Variants in SERINC5 observed in about 807,000 individuals in gnomAD.
The protein encoded by SERINC5 is serine incorporator 5, also known as chromosome 5 open reading frame 12.
Under a neutral mutation model 63.1 loss-of-function variants are expected in SERINC5, and 41 were observed. The ratio of observed to expected loss-of-function variants is 0.65; its 90% CI spans 0.51 to 0.84. SERINC5 has a LOEUF of 0.84. SERINC5 is among the 40% of genes least tolerant of loss of function. SERINC5 has a pLI of 0.00. For synonymous variants in SERINC5, 222 were observed against 215.2 expected (o/e 1.03, Z -0.28); for missense variants, 523 against 573.0 (o/e 0.91, Z 0.89).
intron 5 of SERINC5, among the ~76,000 whole-genome samples, chr5:80,174,159 A>G (rs755907890): frequency 4.6e-5 from 7 of 151,642 alleles, no homozygotes; most frequent in Non-Finnish European, 1.0e-4. Flanking sequence ...CCAGGAATTC[A>G]AGATCAGCCT....
At chr5:80,133,705 T>C (rs1745040571) in intron 11 of SERINC5, among the ~76,000 whole-genome samples, 3 of 152,216 alleles carry the variant, frequency 2.0e-5, no homozygotes, top group African/African-American at 7.2e-5. Flanking sequence ...CAGACTCAAT[T>C]TAAGACAGGG....
At chr5:80,199,585 G>A (rs1263646516) in intron 2 of SERINC5, among the ~76,000 whole-genome samples, 1 of 152,144 alleles carries the variant, frequency 6.6e-6, no homozygotes, top group South Asian at 2.1e-4. Flanking sequence ...GCTTCATGGG[G>A]CAGGTTACTT....
intron 1 of SERINC5, among the ~76,000 whole-genome samples, chr5:80,218,165 T>A (rs1050302853): frequency 2.6e-5 from 4 of 152,228 alleles, no homozygotes; most frequent in Admixed American, 2.6e-4. Flanking sequence ...TCTCAGAGTC[T>A]AATACATTTT....
intron 1 of SERINC5, among the ~76,000 whole-genome samples, chr5:80,227,630 T>C (rs1751228998): frequency 6.8e-6 from 1 of 146,288 alleles, no homozygotes; most frequent in Non-Finnish European, 1.5e-5. Flanking sequence ...GAATCGCATG[T>C]GTAGATGTTT....
chr5:80,188,325 T>A (rs181444138), intron 2 of SERINC5, among the ~76,000 whole-genome samples: 1 of 151,838 alleles, frequency 6.6e-6, no homozygotes, highest in East Asian at 1.9e-4. Context: ...AAAGGATTAT[T>A]CTCAATTTTA....
At chr5:80,212,670 G>GGGGGGGGGGA (rs1561430937) in intron 1 of SERINC5, among the ~76,000 whole-genome samples, 2 of 140,874 alleles carry the variant, frequency 1.4e-5, no homozygotes, top group African/African-American at 5.2e-5. Flanking sequence ...TGGGGTGGGG[G>GGGGGGGGGGA]GGGGGTGTTG....
chr5:80,177,846 G>A (rs762697665), intron 3 of SERINC5, 40 bp downstream of exon 3: 9 of 1,508,466 alleles, frequency 6.0e-6, no homozygotes, highest in Middle Eastern at 3.5e-4. Context: ...CTGAACATAA[G>A]AAAGGAGAAA....
chr5:80,115,755 C>A (rs1426697577), intron 11 of SERINC5, among the ~76,000 whole-genome samples: 1 of 151,838 alleles, frequency 6.6e-6, no homozygotes, highest in East Asian at 1.9e-4. Context: ...AATTTCAATC[C>A]CAGTTGCATC....
chr5:80,140,228 G>T lies in SERINC5; in HGVS notation c.*3435C>A. 2.4e-6 allele frequency: 2 copies of T among 830,540 alleles called. No individual in the cohort carries two copies. The highest frequency in any genetic ancestry group is 2.9e-6 in the Non-Finnish European group (2 of 699,172). 51.4% of individuals were successfully genotyped at this position (830,540 alleles called of 1,614,324 possible). On this transcript the variant is annotated 3_prime_UTR_variant, in exon 12 of 12. Coordinates refer to ENST00000507668, the MANE Select transcript of SERINC5 (RefSeq NM_001174072.3). ...CAGCTACTTGGGAGGTGGTCCTTGA[G>T]CCCAGGAGGTCAAGCCTGCCATGAG...
intron 1 of SERINC5, among the ~76,000 whole-genome samples, chr5:80,222,553 A>AGTATGTGAGTGTGTGT (rs550308144): frequency 4.2e-4 from 58 of 139,010 alleles, no homozygotes; most frequent in Middle Eastern, 3.8e-3. Context: ...TTTGTGGGTG[A>AGTATGTGAGTGTGTGT]GTGTGTGAGT....
At position 80,141,304 on chromosome 5, in the gene SERINC5, T is replaced by A; in HGVS notation, c.*2359A>T. 6.1e-6 allele frequency: 6 copies of A among 985,446 alleles called. No individual in the cohort carries two copies. The highest frequency in any genetic ancestry group is 7.2e-6 in the Non-Finnish European group (6 of 829,934). The allele number at this position is 985,446 out of a possible 1,614,324, so 61.0% of individuals were successfully genotyped here. A position where few individuals can be genotyped will look rare whatever the true frequency, so the allele number is the denominator to read the frequency against. Reference sequence around the variant, plus strand: ...ACTCACGCATCTGGAAAACGTTGTGTGGCTGGGCTGGCTCCAGAAGGAAGC... The same window carrying A: ...ACTCACGCATCTGGAAAACGTTGTGAGGCTGGGCTGGCTCCAGAAGGAAGC... On this transcript the variant is annotated 3_prime_UTR_variant, in exon 12 of 12. Coordinates refer to ENST00000507668, the MANE Select transcript of SERINC5 (RefSeq NM_001174072.3).
chr5:80,155,108 T>C (rs186605481), intron 8 of SERINC5, among the ~76,000 whole-genome samples: 47 of 152,312 alleles, frequency 3.1e-4, no homozygotes, highest in Non-Finnish European at 6.2e-4. Flanking sequence ...TGATCAACTC[T>C]GGGATCCTGT....
At chr5:80,238,816 C>T (rs1192688562) in intron 1 of SERINC5, among the ~76,000 whole-genome samples, 2 of 150,586 alleles carry the variant, frequency 1.3e-5, no homozygotes, top group East Asian at 1.9e-4. Context: ...AAACCCAATC[C>T]GAGATTCAAA....
intron 11 of SERINC5, among the ~76,000 whole-genome samples, chr5:80,130,722 G>A (rs552563722): frequency 5.3e-5 from 8 of 152,242 alleles, no homozygotes; most frequent in African/African-American, 1.4e-4. Context: ...AAGGCACTAC[G>A]ATGTCTTGTT....
At position 80,140,054 on chromosome 5, in the gene SERINC5, G is replaced by T. The variant is rs1056577607; in HGVS notation, c.*3609C>A. Reference sequence around the variant, plus strand: ...CTTAAAAAGGCAGAGGGTAGGCTGCGTGCAGTGGTTTACGCCTATAATCCC... The same window carrying T: ...CTTAAAAAGGCAGAGGGTAGGCTGCTTGCAGTGGTTTACGCCTATAATCCC... On this transcript the variant is annotated 3_prime_UTR_variant, in exon 12 of 12. Coordinates refer to ENST00000507668, the MANE Select transcript of SERINC5 (RefSeq NM_001174072.3). 4.1e-6 allele frequency: 4 copies of T among 984,914 alleles called. No homozygotes were observed. Among genetic ancestry groups the T allele is most frequent in the Non-Finnish European group, 4.8e-6 (4 of 829,632 alleles). The allele number at this position is 984,914 out of a possible 1,614,324, so 61.0% of individuals were successfully genotyped here. A position where few individuals can be genotyped will look rare whatever the true frequency, so the allele number is the denominator to read the frequency against.
intron 7 of SERINC5, among the ~76,000 whole-genome samples, chr5:80,165,034 C>G (rs1206885052): frequency 6.7e-6 from 1 of 150,054 alleles, no homozygotes; most frequent in East Asian, 2.0e-4. Context: ...TGTGCCACCA[C>G]GCTCAGCCTT....
chr5:80,162,491 G>A (rs974364155), intron 7 of SERINC5, among the ~76,000 whole-genome samples: 4 of 151,858 alleles, frequency 2.6e-5, no homozygotes, highest in Non-Finnish European at 5.9e-5. Context: ...CTCCAACCTC[G>A]GACCCATGAG....
chr5:80,128,528 A>T (rs1744827452), intron 11 of SERINC5: 1 of 152,228 alleles, frequency 6.6e-6, no homozygotes, highest in Non-Finnish European at 1.5e-5. Context: ...AGATTGACCT[A>T]AAGGGGAAGA....
chr5:80,198,790 A>T, intron 2 of SERINC5: 3 of 778,118 alleles, frequency 3.9e-6, no homozygotes, highest in South Asian at 5.8e-5. Flanking sequence ...GTGAGGCCCT[A>T]AAGCTGGAAA....
Sources: gnomAD v4.1 joint callset for allele counts (sites outside exome capture counted in the v4.1 genomes callset) on GRCh38, gnomAD v4.1.1 for gene constraint, MANE v1.5 for transcripts, NCBI Gene and HGNC (gene_info 2026-07-23, HGNC 2026-07-21) for gene names.